C3orf33: variants seen among roughly 807,000 people sequenced by gnomAD.
C3orf33 encodes the protein mitochondrial inner membrane subdomain organizer 1.
Under a neutral mutation model 28.7 loss-of-function variants are expected in C3orf33, and 23 were observed. The observed-to-expected ratio is 0.80, with a 90% CI of 0.58 to 1.13. The LOEUF is 1.13. C3orf33 is among the 50% of genes most tolerant of loss of function. The pLI is 0.00. For missense variants in C3orf33, 327 were observed against 353.4 expected, an observed-to-expected ratio of 0.93 and a Z score of 0.60; for synonymous variants, 119 against 120.5, an observed-to-expected ratio of 0.99 and a Z score of 0.08.
chr3:155,763,679 A>G lies in C3orf33; in HGVS notation c.723T>C (p.Ser241=). 6.3e-7 allele frequency: 1 copy of G among 1,593,686 alleles called. No individual in the cohort carries two copies. Among genetic ancestry groups the G allele is most frequent in the South Asian group, 1.2e-5 (1 of 85,330 alleles). The change falls in exon 5 of 5, where the codon AGT becomes AGC. Residue 241 remains serine, a synonymous_variant. Coordinates refer to ENST00000340171, the MANE Select transcript of C3orf33 (RefSeq NM_001308229.2). The stretch of plus-strand genomic sequence containing the variant: ...AATCTGATCCTGTTGTTTTTAAAAA[A>G]CTGTCCTTTTTCCATATTTCTCTCC... ...DSWREIWKKD[S]FLKTTGSDFS...
At chr3:155,805,135 C>T (rs1022754191) in intron 1 of C3orf33, among the ~76,000 whole-genome samples, 4 of 145,012 alleles carry the variant, frequency 2.8e-5, no homozygotes, top group African/African-American at 1.0e-4. Context: ...CTTGCTTCAA[C>T]TCCAGAGGCT....
intron 2 of C3orf33, among the ~76,000 whole-genome samples, chr3:155,793,884 T>C (rs1751398454): frequency 6.9e-6 from 1 of 144,796 alleles, no homozygotes; most frequent in South Asian, 2.2e-4. Context: ...TATAATAAGA[T>C]ATAAATAGAG....
At chr3:155,797,310 C>A (rs1325259271) in intron 2 of C3orf33, among the ~76,000 whole-genome samples, 2 of 152,156 alleles carry the variant, frequency 1.3e-5, no homozygotes, top group African/African-American at 4.8e-5. Context: ...TACGTCAACA[C>A]AATAAAAGCC....
intron 4 of C3orf33, among the ~76,000 whole-genome samples, 186 bp from the exon 5 acceptor site, chr3:155,764,104 C>A (rs1750322993): frequency 6.6e-6 from 1 of 152,150 alleles, no homozygotes; most frequent in Non-Finnish European, 1.5e-5. Flanking sequence ...CTAGAAGAGA[C>A]CCTTGCTCAA....
At chr3:155,791,327 C>T (rs943642359) in intron 2 of C3orf33, among the ~76,000 whole-genome samples, 1 of 152,142 alleles carries the variant, frequency 6.6e-6, no homozygotes, top group East Asian at 1.9e-4. Context: ...GCAATACTCA[C>T]GCAATACCCG....
At chr3:155,791,771 G>A (rs552102007) in intron 2 of C3orf33, among the ~76,000 whole-genome samples, 1 of 151,766 alleles carries the variant, frequency 6.6e-6, no homozygotes, top group Non-Finnish European at 1.5e-5. Flanking sequence ...AGAGTGGAAA[G>A]GACTGTCTTG....
At chr3:155,794,339 T>C (rs1251268890) in intron 2 of C3orf33, among the ~76,000 whole-genome samples, 3 of 152,096 alleles carry the variant, frequency 2.0e-5, no homozygotes, top group Non-Finnish European at 4.4e-5. Flanking sequence ...GGTGATAAGA[T>C]ATTTGCAAGC....
Position 155,776,759 on chromosome 3 carries a change from C to CAAAAAAAAAAAAAAAAAAAA in C3orf33, c.175-931_175-912dup, listed in dbSNP as rs10654812. On this transcript the variant is annotated intron_variant, in intron 2 of 4. Coordinates refer to ENST00000340171, the MANE Select transcript of C3orf33 (RefSeq NM_001308229.2). ...TGACAGAGCGAGAACCTGACTCTGTCAAAAAAAAAAAAAAAAAAAAAAAAA... is the reference window on the plus strand; with the variant it reads ...TGACAGAGCGAGAACCTGACTCTGTCAAAAAAAAAAAAAAAAAAAAAAAAAAAAAAAAAAAAAAAAAAAAA... 3.7e-4 allele frequency among the ~76,000 whole-genome samples: 32 copies of CAAAAAAAAAAAAAAAAAAAA among 86,904 alleles called. 1 individual carries two copies. The highest frequency in any genetic ancestry group is 4.8e-4 in the Non-Finnish European group (20 of 41,496). 57.0% of individuals were successfully genotyped at this position (86,904 alleles called of 152,430 possible).
At chr3:155,772,898 T>C (rs929847220) in intron 3 of C3orf33, among the ~76,000 whole-genome samples, 3 of 151,570 alleles carry the variant, frequency 2.0e-5, no homozygotes, top group Non-Finnish European at 4.4e-5. Context: ...TTAGAAATCA[T>C]AACTTTCTTG....
At chr3:155,774,993 T>A (rs1750697623) in intron 3 of C3orf33, among the ~76,000 whole-genome samples, 1 of 152,178 alleles carries the variant, frequency 6.6e-6, no homozygotes, top group South Asian at 2.1e-4. Context: ...CACCCAGAAT[T>A]ATCCTAGTAT....
intron 3 of C3orf33, among the ~76,000 whole-genome samples, chr3:155,775,216 G>A (rs996011622): frequency 6.6e-6 from 1 of 152,202 alleles, no homozygotes; most frequent in Middle Eastern, 3.2e-3. Flanking sequence ...GGGGCAGGGT[G>A]TGGTGGCTCA....
intron 2 of C3orf33, among the ~76,000 whole-genome samples, chr3:155,778,118 C>A (rs1273793713): frequency 1.5e-5 from 2 of 133,552 alleles, no homozygotes; most frequent in African/African-American, 5.5e-5. Flanking sequence ...CCACTGCACT[C>A]CAGCCTGAGT....
intron 2 of C3orf33, among the ~76,000 whole-genome samples, chr3:155,797,369 T>C (rs1751504557): frequency 6.6e-6 from 1 of 152,114 alleles, no homozygotes. Flanking sequence ...GGGGAAAAAC[T>C]GAAAGCCTTT....
At chr3:155,795,631 T>G (rs765073772) in intron 2 of C3orf33, among the ~76,000 whole-genome samples, 28 of 151,978 alleles carry the variant, frequency 1.8e-4, no homozygotes, top group Non-Finnish European at 2.9e-5. Flanking sequence ...ACAAAAAGAT[T>G]AAGAAAGAAA....
In C3orf33 at chr3:155,763,572, A is replaced by G. The variant is rs914621724; in HGVS notation, c.830T>C (p.Leu277Ser). 23 of 1,568,140 alleles carry G rather than the reference A, an allele frequency of 1.5e-5. No homozygotes were observed. Among genetic ancestry groups the G allele is most frequent in the Admixed American group, 2.2e-5 (1 of 45,692 alleles). Residue 277 changes from leucine (L) to serine (S), a missense_variant, in exon 5 of 5, where the codon TTA becomes TCA. By Grantham distance (145) the Leu-to-Ser change is moderately radical. Coordinates refer to ENST00000340171, the MANE Select transcript of C3orf33 (RefSeq NM_001308229.2). ...IWKDNMNNCS[L>S]ILKFRELISR... ...TATAAGTTCTCTGAACTTCAGTATT[A>G]AGGAGCAGTTGTTCATGTTGTCTTT...
intron 2 of C3orf33, among the ~76,000 whole-genome samples, chr3:155,791,813 T>C (rs1436601481): frequency 1.3e-5 from 2 of 151,800 alleles, no homozygotes; most frequent in African/African-American, 2.4e-5. Flanking sequence ...CACAGTAGCA[T>C]ATAGCAGCAC....
intron 3 of C3orf33, among the ~76,000 whole-genome samples, chr3:155,771,265 C>T (rs1387775638): frequency 6.6e-6 from 1 of 151,926 alleles, no homozygotes; most frequent in African/African-American, 2.4e-5. Flanking sequence ...GCCATCGGGC[C>T]CAGCTAATTT....
At chr3:155,782,893 C>T (rs1255754954) in intron 2 of C3orf33, among the ~76,000 whole-genome samples, 2 of 151,960 alleles carry the variant, frequency 1.3e-5, no homozygotes, top group East Asian at 1.9e-4. Context: ...TTTTTGTTTT[C>T]CACATAATTT....
Position 155,763,904 on chromosome 3 carries a change from G to A in C3orf33, c.498C>T (p.Ser166=), listed in dbSNP as rs115731681. ...TCAAAATTTCTTCATTCAGATTCAC[G>A]CTGAAATATCCACCCTTGAATTTAA... ...YLLVSKGGYF[S]VNLNEEILRR... The change falls in exon 5 of 5, where the codon AGC becomes AGT. Residue 166 remains serine (S), a synonymous_variant. Transcript: ENST00000340171. 3.3e-3 allele frequency: 4,821 copies of A among 1,456,070 alleles called. 106 individuals are homozygous for A. The African/African-American group carries it at 0.06, about 18-fold the overall frequency. 90.2% of individuals were successfully genotyped at this position (1,456,070 alleles called of 1,614,324 possible).
Sources: gnomAD v4.1 joint callset for allele counts (sites outside exome capture counted in the v4.1 genomes callset) on GRCh38, gnomAD v4.1.1 for gene constraint, MANE v1.5 for transcripts, NCBI Gene and HGNC (gene_info 2026-07-23, HGNC 2026-07-21) for gene names.